LRP1B: variants seen among roughly 807,000 people sequenced by gnomAD.
LRP1B encodes the protein low-density lipoprotein receptor-related protein 1B.
A neutral mutation model predicts 556.6 loss-of-function variants in LRP1B; 217 were observed. That is an observed-to-expected ratio of 0.39 (90% confidence interval 0.35 to 0.44). The LOEUF is 0.44. Ranked by LOEUF, LRP1B falls within the 20% of genes least tolerant of loss-of-function variation. The pLI, the probability that LRP1B is intolerant of heterozygous loss-of-function variation, is 1.00. For synonymous variants in LRP1B, 2,047 were observed against 1,865.8 expected (o/e 1.10, Z -2.50); for missense variants, 5,053 against 5,620.8 (o/e 0.90, Z 3.23).
chr2:140,683,814 T>A (rs543151706), intron 41 of LRP1B: 42 of 689,996 alleles, frequency 6.1e-5, no homozygotes, highest in Middle Eastern at 4.3e-4. Context: ...GGCTAGGGGA[T>A]GCCTTCCATG....
chr2:141,225,280 G>A (rs1011062502), intron 6 of LRP1B, among the ~76,000 whole-genome samples: 3 of 152,134 alleles, frequency 2.0e-5, no homozygotes, highest in Non-Finnish European at 4.4e-5. Context: ...GAGTTTTTCA[G>A]AGTATTGAAG....
chr2:141,400,401 G>A (rs998820143), intron 3 of LRP1B, among the ~76,000 whole-genome samples: 1 of 152,122 alleles, frequency 6.6e-6, no homozygotes, highest in Admixed American at 6.5e-5. Flanking sequence ...TATAAAATTA[G>A]TAAATTACAG....
At position 140,484,290 on chromosome 2, in the gene LRP1B, TA is replaced by T. The variant is rs1470631468; in HGVS notation, c.9425+1052del. Among the ~76,000 whole-genome samples the T allele has an allele frequency of 2.0e-5, 3 of 152,288 alleles. No individual in the cohort carries two copies. The South Asian group carries it at 6.2e-4, about 32-fold the overall frequency. ...TAAATTAATGTATACAGTTAAGCTATAAAATATACTATGACATGATTACTTT... is the reference window on the plus strand; with the variant it reads ...TAAATTAATGTATACAGTTAAGCTATAAATATACTATGACATGATTACTTT... On this transcript the variant is annotated intron_variant, in intron 59 of 90. Coordinates refer to ENST00000389484, the MANE Select transcript of LRP1B (RefSeq NM_018557.3).
intron 32 of LRP1B, among the ~76,000 whole-genome samples, chr2:140,793,975 A>G (rs1051394954): frequency 1.3e-5 from 2 of 152,130 alleles, no homozygotes; most frequent in Non-Finnish European, 2.9e-5. Flanking sequence ...AAAAACTCTG[A>G]AAGAACGTTA....
chr2:141,471,542 A>T (rs1276863713), intron 3 of LRP1B, among the ~76,000 whole-genome samples: 1 of 151,918 alleles, frequency 6.6e-6, no homozygotes, highest in Non-Finnish European at 1.5e-5. Context: ...TCCTTTCCTC[A>T]TTTGCCTACC....
intron 1 of LRP1B, among the ~76,000 whole-genome samples, chr2:142,100,114 C>T (rs1706518197): frequency 6.6e-6 from 1 of 151,846 alleles, no homozygotes; most frequent in South Asian, 2.1e-4. Context: ...TTGATAAGAG[C>T]ATTGTATTTT....
chr2:141,006,534 C>T (rs1397171429), intron 14 of LRP1B, among the ~76,000 whole-genome samples: 1 of 151,982 alleles, frequency 6.6e-6, no homozygotes, highest in African/African-American at 2.4e-5. Context: ...GGCATACATA[C>T]TAAGAAATGT....
At chr2:140,851,297 T>C (rs964899098) in intron 28 of LRP1B, among the ~76,000 whole-genome samples, 17 of 152,198 alleles carry the variant, frequency 1.1e-4, no homozygotes, top group African/African-American at 4.1e-4. Flanking sequence ...AGCGCCTCTT[T>C]GTTATGCAGG....
At chr2:142,072,278 C>G (rs1413738714) in intron 1 of LRP1B, among the ~76,000 whole-genome samples, 2 of 151,868 alleles carry the variant, frequency 1.3e-5, no homozygotes, top group Non-Finnish European at 2.9e-5. Flanking sequence ...TTTTTCTTAC[C>G]TTTGCTCATA....
chr2:141,714,009 A>G (rs1692473571), intron 2 of LRP1B, among the ~76,000 whole-genome samples: 1 of 152,178 alleles, frequency 6.6e-6, no homozygotes, highest in Non-Finnish European at 1.5e-5. Flanking sequence ...GATACTTATC[A>G]GCTGAGTGCT....
In LRP1B at chr2:140,314,948, T is replaced by C. The variant is rs1684456775; in HGVS notation, c.12792A>G (p.Val4264=). ...SNYCQNGGTC[V]PSVLGRPTCS... ...TGAAATATTTACCTAGAACTGATGGTACGCAAGTTCCTCCATTCTGGCAGT... is the reference window on the plus strand; with the variant it reads ...TGAAATATTTACCTAGAACTGATGGCACGCAAGTTCCTCCATTCTGGCAGT... Residue 4264 remains valine (V), a synonymous_variant, in exon 83 of 91, where the codon GTA becomes GTG. Transcript: ENST00000389484. 2 of 1,605,414 alleles carry C rather than the reference T, an allele frequency of 1.2e-6. No homozygotes were observed. The highest frequency in any genetic ancestry group is 1.3e-5 in the African/African-American group (1 of 74,628).
intron 1 of LRP1B, among the ~76,000 whole-genome samples, chr2:142,117,351 C>CCT (rs1477412381): frequency 6.6e-6 from 1 of 152,116 alleles, no homozygotes; most frequent in Non-Finnish European, 1.5e-5. Context: ...CAGGATTCAT[C>CCT]CTCGTATTCT....
At chr2:141,349,856 T>C (rs1003776152) in intron 3 of LRP1B, among the ~76,000 whole-genome samples, 4 of 151,994 alleles carry the variant, frequency 2.6e-5, no homozygotes, top group African/African-American at 9.7e-5. Context: ...ATAGTCAAGA[T>C]ACAGGAAATA....
intron 1 of LRP1B, among the ~76,000 whole-genome samples, chr2:141,847,658 T>C (rs1273723977): frequency 6.6e-6 from 1 of 151,588 alleles, no homozygotes; most frequent in African/African-American, 2.4e-5. Context: ...GGCAACTTGA[T>C]GTAGGGATGA....
intron 66 of LRP1B, among the ~76,000 whole-genome samples, chr2:140,426,917 A>T (rs60818438): frequency 0.13 from 19,103 of 152,036 alleles, 1,383 homozygotes; most frequent in African/African-American, 0.2. Flanking sequence ...CAGACCAACC[A>T]GCCCAAGAAA....
intron 7 of LRP1B, among the ~76,000 whole-genome samples, chr2:141,140,975 G>A (rs1158364221): frequency 6.6e-6 from 1 of 152,116 alleles, no homozygotes; most frequent in African/African-American, 2.4e-5. Context: ...GTCCTTCGAG[G>A]TAGAGGGTGG....
intron 1 of LRP1B, among the ~76,000 whole-genome samples, chr2:141,955,022 G>C (rs1011735190): frequency 6.6e-6 from 1 of 152,056 alleles, no homozygotes; most frequent in Non-Finnish European, 1.5e-5. Flanking sequence ...GATGCTATAA[G>C]AACATAAAAG....
chr2:140,817,547 A>G (rs1307737142), intron 31 of LRP1B, among the ~76,000 whole-genome samples: 2 of 151,856 alleles, frequency 1.3e-5, no homozygotes, highest in African/African-American at 4.8e-5. Context: ...AATTGCAAAA[A>G]TTATGTAATT....
intron 3 of LRP1B, among the ~76,000 whole-genome samples, chr2:141,306,446 C>CT (rs1302935059): frequency 6.6e-6 from 1 of 151,960 alleles, no homozygotes; most frequent in African/African-American, 2.4e-5. Flanking sequence ...TTTTGATGAT[C>CT]TTTTGTATTT....
Sources: allele counts gnomAD v4.1 joint callset (sites outside exome capture counted in the v4.1 genomes callset), GRCh38; gene constraint gnomAD v4.1.1; transcripts MANE v1.5; gene names NCBI Gene and HGNC (gene_info 2026-07-23, HGNC 2026-07-21).